ZNF717: variants seen among roughly 807,000 people sequenced by gnomAD.
The protein encoded by ZNF717 is krueppel-like factor X17.
A neutral mutation model predicts 13.8 loss-of-function variants in ZNF717; 9 were observed. The observed-to-expected ratio is 0.65, with a 90% CI of 0.39 to 1.14. The LOEUF is 1.14. ZNF717 is among the 50% of genes most tolerant of loss of function. The pLI is 0.01. For synonymous variants in ZNF717, 327 were observed against 364.1 expected (o/e 0.90, Z 1.16); for missense variants, 1,040 against 1,080.7 (o/e 0.96, Z 0.53).
At chr3:75,780,060 CG>C (rs1472000575) in intron 2 of ZNF717, among the ~76,000 whole-genome samples, 2 of 142,160 alleles carry the variant, frequency 1.4e-5, no homozygotes, top group Admixed American at 7.1e-5. Flanking sequence ...ATGGGAGTGA[CG>C]TGCTAAGCCA....
downstream of ZNF717, among the ~76,000 whole-genome samples, chr3:75,709,007 C>CTTTTTTT (rs149575572): frequency 7.0e-6 from 1 of 143,104 alleles, no homozygotes. Context: ...TTTTTCTTTT[C>CTTTTTTT]TTTTTTTTTT....
chr3:75,708,632 G>A (rs2106830413), downstream of ZNF717, among the ~76,000 whole-genome samples: 1 of 152,328 alleles, frequency 6.6e-6, no homozygotes, highest in Non-Finnish European at 1.5e-5. Flanking sequence ...ACTTTGACGA[G>A]TTGAGAGAAG....
At chr3:75,735,646 AAAAAAAAAAAAGCAACG>A (rs1939091311), downstream of ZNF717, among the ~76,000 whole-genome samples, 1 of 120,776 alleles carries the variant, frequency 8.3e-6, no homozygotes, top group African/African-American at 3.0e-5. Flanking sequence ...AAAAAAAAAA[AAAAAAAAAAAAGCAACG>A]AGAGGAAACA....
intron 4 of ZNF717, among the ~76,000 whole-genome samples, chr3:75,740,119 GC>G (rs1453496414): frequency 5.5e-5 from 8 of 145,398 alleles, no homozygotes; most frequent in African/African-American, 9.9e-5. Context: ...CCACAGCCGT[GC>G]CCCTCTCCAC....
At chr3:75,728,768 CT>C (rs1938356195), downstream of ZNF717, among the ~76,000 whole-genome samples, 1 of 152,226 alleles carries the variant, frequency 6.6e-6, no homozygotes, top group Non-Finnish European at 1.5e-5. Flanking sequence ...AACCTCTTTC[CT>C]TTATAAATGA....
intron 2 of ZNF717, among the ~76,000 whole-genome samples, chr3:75,768,085 G>A (rs1943619801): frequency 1.3e-5 from 2 of 152,184 alleles, no homozygotes; most frequent in Admixed American, 6.5e-5. Context: ...CAGGGACCAG[G>A]ACTGGGCACT....
At chr3:75,696,892 C>CAAAAA (rs142213799) in intron 6 of ZNF717, among the ~76,000 whole-genome samples, 3 of 61,356 alleles carry the variant, frequency 4.9e-5, no homozygotes, top group East Asian at 3.6e-4. Flanking sequence ...GACTTCATCT[C>CAAAAA]AAAAAAAAAA....
chr3:75,740,441 T>C (rs3008997), intron 4 of ZNF717, among the ~76,000 whole-genome samples: 63,151 of 151,326 alleles, frequency 0.42, 13,576 homozygotes, highest in South Asian at 0.61. Context: ...ACTCTGTTAC[T>C]GAGGCTGGAG....
chr3:75,717,504 A>G (rs1357916979), intron 4 of ZNF717, among the ~76,000 whole-genome samples: 28 of 152,356 alleles, frequency 1.8e-4, no homozygotes, highest in African/African-American at 6.5e-4. Context: ...GTTGGTGTCC[A>G]AAGGTAAACC....
intron 6 of ZNF717, among the ~76,000 whole-genome samples, chr3:75,695,443 A>G (rs1575756053): frequency 6.6e-6 from 1 of 152,306 alleles, no homozygotes; most frequent in South Asian, 2.1e-4. Context: ...ATCAACAAAG[A>G]AACATCAGAC....
intron 1 of ZNF717, chr3:75,784,791 C>CTT: frequency 6.6e-6 from 1 of 152,274 alleles, no homozygotes; most frequent in Admixed American, 6.5e-5. Flanking sequence ...CACCTGTGAC[C>CTT]TTTTATCCTC....
intron 2 of ZNF717, among the ~76,000 whole-genome samples, chr3:75,743,104 T>G (rs1219862484): frequency 6.6e-6 from 1 of 152,184 alleles, no homozygotes; most frequent in Non-Finnish European, 1.5e-5. Context: ...ACATATCATG[T>G]AGGTTTTCAT....
chr3:75,740,298 A>G (rs1414565228), intron 4 of ZNF717, among the ~76,000 whole-genome samples: 2 of 152,240 alleles, frequency 1.3e-5, no homozygotes, highest in Non-Finnish European at 2.9e-5. Context: ...GCCCTTCAAC[A>G]GGAAATAATT....
downstream of ZNF717, among the ~76,000 whole-genome samples, chr3:75,707,530 G>C (rs1378710396): frequency 2.6e-5 from 4 of 152,380 alleles, no homozygotes; most frequent in African/African-American, 7.2e-5. Context: ...GAACGACGCA[G>C]AAGATGTGTG....
At chr3:75,714,971 G>A (rs62247317) in intron 5 of ZNF717, among the ~76,000 whole-genome samples, 1 of 152,024 alleles carries the variant, frequency 6.6e-6, no homozygotes, top group Non-Finnish European at 1.5e-5. Flanking sequence ...AGATCTTATG[G>A]TTCTTTTATT....
chr3:75,742,267 T>G (rs1310923070), intron 2 of ZNF717, among the ~76,000 whole-genome samples: 1 of 147,122 alleles, frequency 6.8e-6, no homozygotes, highest in African/African-American at 2.5e-5. Context: ...GACAGTGCAG[T>G]GAGTTATGAT....
intron 5 of ZNF717, among the ~76,000 whole-genome samples, chr3:75,711,858 A>T (rs2106837571): frequency 6.6e-6 from 1 of 152,348 alleles, no homozygotes; most frequent in Non-Finnish European, 1.5e-5. Flanking sequence ...TTTCAAAACA[A>T]CTGTGAATGA....
chr3:75,753,932 G>A (rs888020287), intron 2 of ZNF717, among the ~76,000 whole-genome samples: 4 of 142,154 alleles, frequency 2.8e-5, no homozygotes, highest in Admixed American at 7.2e-5. Flanking sequence ...CTGAATGTTC[G>A]TCCCTCACAT....
At chr3:75,730,286 A>G (rs1938449171) in exon 6 of ZNF717, 1 of 221,894 alleles carries the variant, frequency 4.5e-6, no homozygotes, top group South Asian at 1.2e-4. Flanking sequence ...AGAGGAAAAG[A>G]GGAAAACAGA....
Sources: gnomAD v4.1 joint callset for allele counts (sites outside exome capture counted in the v4.1 genomes callset) on GRCh38, gnomAD v4.1.1 for gene constraint, MANE v1.5 for transcripts, NCBI Gene and HGNC (gene_info 2026-07-23, HGNC 2026-07-21) for gene names.